The following PGGT1B variants were observed in gnomAD, a reference collection of about 807,000 sequenced individuals.
The protein encoded by PGGT1B is protein geranylgeranyltransferase type I subunit beta, also known as geranylgeranyl transferase type-1 subunit beta.
A neutral mutation model predicts 46.1 loss-of-function variants in PGGT1B; 30 were observed. The observed-to-expected ratio is 0.65, with a 90% CI of 0.49 to 0.88. PGGT1B has a LOEUF of 0.88. Ranked by LOEUF, PGGT1B falls within the 40% of genes least tolerant of loss-of-function variation. PGGT1B has a pLI of 0.00. For missense variants in PGGT1B, 376 were observed against 455.9 expected, an observed-to-expected ratio of 0.82 and a Z score of 1.60; for synonymous variants, 170 against 160.0, an observed-to-expected ratio of 1.06 and a Z score of -0.47.
rs1756149113 is a variant in PGGT1B, at chr5:115,209,158, T to G, written c.*3244A>C. 1 of 152,122 alleles carries G rather than the reference T, an allele frequency of 6.6e-6. No homozygotes were observed. Among genetic ancestry groups the G allele is most frequent in the Admixed American group, 6.6e-5 (1 of 15,236 alleles). The allele number at this position is 152,122 out of a possible 1,614,324, so 9.4% of individuals were successfully genotyped here. A position where few individuals can be genotyped will look rare whatever the true frequency, so the allele number is the denominator to read the frequency against. On this transcript the variant is annotated 3_prime_UTR_variant, in exon 9 of 9. Coordinates refer to ENST00000419445, the MANE Select transcript of PGGT1B (RefSeq NM_005023.4). ...AAAATACACATATATAATGTCTCTG[T>G]GTCTTGGCCTTTCTTCCCAATACTT...
At chr5:115,214,873 G>C (rs1292015255) in intron 8 of PGGT1B, among the ~76,000 whole-genome samples, 1 of 152,198 alleles carries the variant, frequency 6.6e-6, no homozygotes, top group Non-Finnish European at 1.5e-5. Flanking sequence ...ATAATTCTCA[G>C]TTTTGAGGCA....
intron 2 of PGGT1B, among the ~76,000 whole-genome samples, chr5:115,250,046 G>A (rs1748023196): frequency 6.6e-6 from 1 of 151,688 alleles, no homozygotes; most frequent in Admixed American, 6.6e-5. Flanking sequence ...CTTTATAGTC[G>A]ATGTTAATAT....
Position 115,233,580 on chromosome 5 carries a change from A to G in PGGT1B, c.613-2559T>C, listed in dbSNP as rs554289988. 5.8e-4 allele frequency among the ~76,000 whole-genome samples: 88 copies of G among 151,610 alleles called. 1 individual carries two copies. The highest frequency in any genetic ancestry group is 1.8e-3 in the African/African-American group (74 of 41,470). On this transcript the variant is annotated intron_variant, in intron 5 of 8. Transcript: ENST00000419445. ...AAAAGCAAATGCAAAATAATGGACT[A>G]GAACTAGGGGTCAGCAATGGCCCAA...
At chr5:115,253,849 C>G (rs924599400) in intron 1 of PGGT1B, among the ~76,000 whole-genome samples, 2 of 151,880 alleles carry the variant, frequency 1.3e-5, no homozygotes, top group Non-Finnish European at 2.9e-5. Flanking sequence ...AGAGCAAAAC[C>G]TTCCCCCTCT....
intron 2 of PGGT1B, among the ~76,000 whole-genome samples, chr5:115,250,927 A>C (rs1178059980): frequency 6.6e-6 from 1 of 152,132 alleles, no homozygotes; most frequent in Non-Finnish European, 1.5e-5. Flanking sequence ...CAAATAACTG[A>C]ATGTAGTTGT....
intron 4 of PGGT1B, among the ~76,000 whole-genome samples, chr5:115,237,050 A>G (rs1033926622): frequency 6.6e-6 from 1 of 152,356 alleles, no homozygotes; most frequent in East Asian, 1.9e-4. Context: ...ATAAACAAGA[A>G]TAAGGAAGCA....
rs986683211 is a variant in PGGT1B at position 115,205,653 on chromosome 5, AG to A, written c.*6748del. The A allele has an allele frequency of 1.3e-5, 2 of 152,116 alleles. No individual in the cohort carries two copies. Among genetic ancestry groups the A allele is most frequent in the African/African-American group, 2.4e-5 (1 of 41,446 alleles). 9.4% of individuals were successfully genotyped at this position (152,116 alleles called of 1,614,324 possible). The stretch of plus-strand genomic sequence containing the variant: ...ATGAGTTTGAGGAACGAAGCCACAA[AG>A]GTCTTTTCTAATGCCACAATTATTA... On this transcript the variant is annotated 3_prime_UTR_variant, in exon 9 of 9. Coordinates refer to ENST00000419445, the MANE Select transcript of PGGT1B (RefSeq NM_005023.4).
Position 115,207,919 on chromosome 5 carries a change from T to C in PGGT1B, c.*4483A>G, listed in dbSNP as rs1756110085. ...GTAGAGGTACAATGTTAATAGATTATTCATCAATTTCTACTTAGTATAGTT... is the reference window on the plus strand; with the variant it reads ...GTAGAGGTACAATGTTAATAGATTACTCATCAATTTCTACTTAGTATAGTT... On this transcript the variant is annotated 3_prime_UTR_variant, in exon 9 of 9. Coordinates refer to ENST00000419445, the MANE Select transcript of PGGT1B (RefSeq NM_005023.4). 1 of 152,208 alleles carries C rather than the reference T, an allele frequency of 6.6e-6. No individual in the cohort carries two copies. The highest frequency in any genetic ancestry group is 3.4e-3 in the Middle Eastern group (1 of 294). The allele number at this position is 152,208 out of a possible 1,614,324, so 9.4% of individuals were successfully genotyped here. A position where few individuals can be genotyped will look rare whatever the true frequency, so the allele number is the denominator to read the frequency against.
chr5:115,251,176 C>A (rs915792712), intron 2 of PGGT1B, among the ~76,000 whole-genome samples: 22 of 152,024 alleles, frequency 1.4e-4, no homozygotes, highest in Non-Finnish European at 2.8e-4. Flanking sequence ...GTAAATATAA[C>A]CAAATAGTTT....
intron 6 of PGGT1B, among the ~76,000 whole-genome samples, chr5:115,223,319 T>C (rs769817539): frequency 2.0e-5 from 3 of 152,148 alleles, no homozygotes; most frequent in African/African-American, 4.8e-5. Context: ...AAAGAGGCTT[T>C]GCAAATGTGA....
At chr5:115,249,220 C>G (rs1245098691) in intron 2 of PGGT1B, among the ~76,000 whole-genome samples, 2 of 151,750 alleles carry the variant, frequency 1.3e-5, no homozygotes, top group Non-Finnish European at 2.9e-5. Context: ...TGTTAAAGCA[C>G]CTCTGTATAT....
chr5:115,218,265 T>C (rs1756480353), intron 7 of PGGT1B, among the ~76,000 whole-genome samples: 1 of 151,384 alleles, frequency 6.6e-6, no homozygotes, highest in Admixed American at 6.6e-5. Flanking sequence ...AAAACATTTT[T>C]AAAAAGTTTA....
At chr5:115,242,479 A>AT in intron 2 of PGGT1B, among the ~76,000 whole-genome samples, 1 of 152,318 alleles carries the variant, frequency 6.6e-6, no homozygotes, top group East Asian at 1.9e-4. Context: ...TGACTAGTGT[A>AT]TGACTAACTT....
At chr5:115,218,017 T>C (rs1401693272) in intron 7 of PGGT1B, among the ~76,000 whole-genome samples, 1 of 151,932 alleles carries the variant, frequency 6.6e-6, no homozygotes, top group East Asian at 1.9e-4. Flanking sequence ...TGATTATTAA[T>C]ATTGAACAAA....
intron 1 of PGGT1B, among the ~76,000 whole-genome samples, 167 bp from the exon 2 acceptor site, chr5:115,253,422 T>C (rs1183064421): frequency 6.6e-6 from 1 of 152,036 alleles, no homozygotes; most frequent in African/African-American, 2.4e-5. Flanking sequence ...TGTAACTTAA[T>C]ACTATCAGTC....
intron 6 of PGGT1B, among the ~76,000 whole-genome samples, chr5:115,227,313 C>T (rs376311154): frequency 3.7e-4 from 56 of 152,312 alleles, no homozygotes; most frequent in African/African-American, 1.2e-3. Context: ...CCAGGATCCA[C>T]TTCCCTGTAT....
intron 7 of PGGT1B, among the ~76,000 whole-genome samples, chr5:115,219,573 T>C (rs190063556): frequency 1.3e-5 from 2 of 151,582 alleles, no homozygotes; most frequent in African/African-American, 4.8e-5. Context: ...AATAACACAA[T>C]CAATAAAAGA....
chr5:115,222,986 G>A (rs193084441), intron 6 of PGGT1B, among the ~76,000 whole-genome samples: 587 of 152,266 alleles, frequency 3.9e-3, no homozygotes, highest in Middle Eastern at 6.8e-3. Context: ...GAGGAGTGGG[G>A]AAGGATAGCA....
chr5:115,243,067 A>G (rs1757397439), intron 2 of PGGT1B, among the ~76,000 whole-genome samples: 1 of 152,252 alleles, frequency 6.6e-6, no homozygotes, highest in African/African-American at 2.4e-5. Flanking sequence ...TTGCCAATAT[A>G]TAACAGAAGT....
Sources: gnomAD v4.1 joint callset for allele counts (sites outside exome capture counted in the v4.1 genomes callset) on GRCh38, gnomAD v4.1.1 for gene constraint, MANE v1.5 for transcripts, NCBI Gene and HGNC (gene_info 2026-07-23, HGNC 2026-07-21) for gene names.